Variants in CCDC125 observed in about 807,000 individuals in gnomAD.
The protein encoded by CCDC125 is coiled-coil domain-containing protein 125.
A neutral mutation model predicts 57.4 loss-of-function variants in CCDC125; 43 were observed. That is an observed-to-expected ratio of 0.75 (90% CI 0.59 to 0.97). The LOEUF is 0.97. Ranked by LOEUF, CCDC125 falls within the 50% of genes least tolerant of loss-of-function variation. The probability of loss-of-function intolerance (pLI) is 0.00; values close to 1 mark genes in which losing one functional copy is unlikely to be tolerated. For missense variants in CCDC125, 563 were observed against 595.7 expected (o/e 0.95, Z 0.57); for synonymous variants, 187 against 195.2 (o/e 0.96, Z 0.35).
intron 10 of CCDC125, among the ~76,000 whole-genome samples, chr5:69,289,495 AC>A (rs539647164): frequency 1.8e-3 from 267 of 152,274 alleles, no homozygotes; most frequent in South Asian, 6.2e-3. Flanking sequence ...TTAAAGTTGT[AC>A]CTTCAGCTTT....
downstream of CCDC125, among the ~76,000 whole-genome samples, chr5:69,278,306 A>G (rs547755491): frequency 5.3e-5 from 8 of 151,964 alleles, no homozygotes; most frequent in East Asian, 1.5e-3. Context: ...CCTGGATTCA[A>G]GCAGTTCTCC....
At chr5:69,311,022 A>G in intron 4 of CCDC125, 96 bp downstream of exon 4, 3 of 711,506 alleles carry the variant, frequency 4.2e-6, no homozygotes, top group South Asian at 1.8e-5. Context: ...ACCCTCAACT[A>G]TATTAAGTCC....
At chr5:69,308,646 T>G (rs746375123) in intron 4 of CCDC125, 11 of 169,812 alleles carry the variant, frequency 6.5e-5, no homozygotes, top group South Asian at 1.5e-4. Context: ...AGCATAAAAA[T>G]GGACTAATAC....
At chr5:69,299,983 C>T (rs899024060) in intron 8 of CCDC125, 29 bp downstream of exon 8, 4 of 1,483,816 alleles carry the variant, frequency 2.7e-6, no homozygotes, top group Non-Finnish European at 3.8e-6. Flanking sequence ...AATGTCCCTT[C>T]TGTTCAGCTT....
At chr5:69,300,165 C>G (rs1206578814) in intron 7 of CCDC125, 38 bp from the exon 8 acceptor site, 1 of 1,404,062 alleles carries the variant, frequency 7.1e-7, no homozygotes, top group African/African-American at 1.4e-5. Flanking sequence ...CATTATGAAG[C>G]CTAACTCCAC....
downstream of CCDC125, among the ~76,000 whole-genome samples, chr5:69,275,596 T>C (rs1752037850): frequency 6.6e-6 from 1 of 152,152 alleles, no homozygotes; most frequent in Non-Finnish European, 1.5e-5. Flanking sequence ...ATGCCACAAG[T>C]GGAAAATTCT....
intron 3 of CCDC125, among the ~76,000 whole-genome samples, chr5:69,312,155 T>A (rs922796745): frequency 6.6e-6 from 1 of 152,032 alleles, no homozygotes; most frequent in African/African-American, 2.4e-5. Flanking sequence ...TGAGGGAAAT[T>A]TGGACCCAGA....
chr5:69,308,128 A>T (rs1580131497), intron 4 of CCDC125, 100 bp from the exon 5 acceptor site: 1 of 822,042 alleles, frequency 1.2e-6, no homozygotes, highest in Non-Finnish European at 2.0e-6. Flanking sequence ...GAAAATTAAG[A>T]TGAATTGACA....
At chr5:69,293,456 C>T (rs1483283301) in intron 9 of CCDC125, among the ~76,000 whole-genome samples, 5 of 151,946 alleles carry the variant, frequency 3.3e-5, no homozygotes, top group Admixed American at 1.3e-4. Context: ...TCAAGACCAG[C>T]CTGGCCAACA....
intron 3 of CCDC125, among the ~76,000 whole-genome samples, chr5:69,311,517 T>G (rs1758139449): frequency 6.6e-6 from 1 of 152,134 alleles, no homozygotes; most frequent in Middle Eastern, 3.4e-3. Context: ...CTGGGCGTGG[T>G]GGTGCATGCC....
rs569821572 is a variant in CCDC125, at chr5:69,301,236, T to C, written c.701-1109A>G. On this transcript the variant is annotated intron_variant, in intron 7 of 11. Coordinates refer to ENST00000396496, the MANE Select transcript of CCDC125 (RefSeq NM_176816.5). ...GCAATCCTCTCCCCTTGGCTTTCCATAGCACTGGCCATTACGGGCATGAGC... is the reference window on the plus strand; with the variant it reads ...GCAATCCTCTCCCCTTGGCTTTCCACAGCACTGGCCATTACGGGCATGAGC... Among the ~76,000 whole-genome samples, 26 of 152,138 alleles carry C rather than the reference T, an allele frequency of 1.7e-4. No homozygotes were observed. In the South Asian group the frequency reaches 4.8e-3, roughly 28 times the overall value.
At chr5:69,327,389 T>G (rs1760881124) in intron 1 of CCDC125, among the ~76,000 whole-genome samples, 1 of 152,162 alleles carries the variant, frequency 6.6e-6, no homozygotes, top group Admixed American at 6.6e-5. Flanking sequence ...CCACCCCGCC[T>G]GGCCTATTCT....
chr5:69,315,027 G>T (rs1310352481), intron 2 of CCDC125, among the ~76,000 whole-genome samples: 1 of 151,272 alleles, frequency 6.6e-6, no homozygotes, highest in Non-Finnish European at 1.5e-5. Flanking sequence ...AGGCCAAGGC[G>T]GGTGGATCAC....
At chr5:69,326,329 C>T (rs1043095205) in intron 1 of CCDC125, among the ~76,000 whole-genome samples, 1 of 152,108 alleles carries the variant, frequency 6.6e-6, no homozygotes, top group African/African-American at 2.4e-5. Flanking sequence ...ATTCTGGATC[C>T]ACTTTTTCCC....
chr5:69,320,242 C>G lies in CCDC125; in HGVS notation c.299G>C (p.Ser100Thr). The G allele has an allele frequency of 6.2e-7, 1 of 1,612,390 alleles. No homozygotes were observed. Among genetic ancestry groups the G allele is most frequent in the Non-Finnish European group, 8.5e-7 (1 of 1,178,930 alleles). The change falls in exon 2 of 12, where the codon AGC becomes ACC. Residue 100 changes from serine to threonine, a missense_variant. By Grantham distance (58) the Ser-to-Thr change is moderately conservative. Transcript: ENST00000396496. The part of the protein sequence containing the change: ...SRISNYRRQS[S>T]TVDSNSELSN... ...AGGAAATTCAGCATTCTTACCAGTG[C>G]TACTTTGTCGTCTGTAATTGGAAAT...
chr5:69,330,420 C>A (rs1478292400), intron 1 of CCDC125, among the ~76,000 whole-genome samples: 1 of 151,980 alleles, frequency 6.6e-6, no homozygotes, highest in Non-Finnish European at 1.5e-5. Context: ...ATAGTGAAAC[C>A]CTGTCTCTGC....
rs1286205230 is a variant in CCDC125 at position 69,283,021 on chromosome 5, T to G, written c.1244A>C (p.Glu415Ala). 1 of 1,591,154 alleles carries G rather than the reference T, an allele frequency of 6.3e-7. No homozygotes were observed. Among genetic ancestry groups the G allele is most frequent in the Non-Finnish European group, 8.5e-7 (1 of 1,172,154 alleles). Reference sequence around the variant, plus strand: ...TTTTCTTTGATGAGCCAAAGCTTCTTCTTTATCATTAAGCTGCATGCACAG... The same window carrying G: ...TTTTCTTTGATGAGCCAAAGCTTCTGCTTTATCATTAAGCTGCATGCACAG... ...KMLIDLLNDK[E>A]EALAHQRKVS... Residue 415 changes from glutamate (E) to alanine (A), a missense_variant, in exon 12 of 12, where the codon GAA becomes GCA. Coordinates refer to ENST00000396496, the MANE Select transcript of CCDC125 (RefSeq NM_176816.5).
At chr5:69,319,851 T>G (rs142634020) in intron 2 of CCDC125, among the ~76,000 whole-genome samples, 2,856 of 151,406 alleles carry the variant, frequency 0.019, 64 homozygotes, top group Non-Finnish European at 0.024. Flanking sequence ...CTGGGTGCAG[T>G]GGCTCATGCC....
intron 4 of CCDC125, 110 bp from the exon 5 acceptor site, chr5:69,308,138 A>G: frequency 1.3e-6 from 1 of 792,156 alleles, no homozygotes; most frequent in Non-Finnish European, 2.1e-6. Flanking sequence ...ATGAATTGAC[A>G]TAAGAATTTC....
Sources: gnomAD v4.1 joint callset for allele counts (sites outside exome capture counted in the v4.1 genomes callset) on GRCh38, gnomAD v4.1.1 for gene constraint, MANE v1.5 for transcripts, NCBI Gene and HGNC (gene_info 2026-07-23, HGNC 2026-07-21) for gene names.